PNPLA2: variants seen among roughly 807,000 people sequenced by gnomAD.
The protein encoded by PNPLA2 is patatin-like phospholipase domain-containing protein 2.
In PNPLA2, 28 loss-of-function variants were observed where a neutral mutation model predicts 39.7. The observed-to-expected ratio is 0.70, with a 90% confidence interval of 0.52 to 0.97. The LOEUF (loss-of-function observed/expected upper bound fraction) is 0.97, where lower values mean the gene tolerates loss of function less well. Ranked by LOEUF, PNPLA2 falls within the 50% of genes least tolerant of loss-of-function variation. The pLI, the probability that PNPLA2 is intolerant of heterozygous loss-of-function variation, is 0.00. For missense variants in PNPLA2, 768 were observed against 698.2 expected, an observed-to-expected ratio of 1.10 and a Z score of -1.13; for synonymous variants, 392 against 321.1, an observed-to-expected ratio of 1.22 and a Z score of -2.36.
intron 1 of PNPLA2, among the ~76,000 whole-genome samples, chr11:819,187 C>T (rs1845583684): frequency 6.6e-6 from 1 of 152,246 alleles, no homozygotes; most frequent in Non-Finnish European, 1.5e-5. Context: ...GCGCCTCTGT[C>T]CAGGGACCAG....
intron 5 of PNPLA2, 68 bp from the exon 6 acceptor site, chr11:823,459 C>G (rs1352899357): frequency 6.9e-7 from 1 of 1,446,374 alleles, no homozygotes; most frequent in East Asian, 2.5e-5. Context: ...GTTGGGGGTG[C>G]CAGGGATTCC....
At position 819,557 on chromosome 11, in the gene PNPLA2, C is replaced by T. The variant is rs1845599204; in HGVS notation, c.-145-17C>T. ...AGTCCCACACTTAAAAGCGCCGCCT[C>T]CGCGCCGCCCGCGTAGCTTCTTCGC... On this transcript the variant is annotated splice_polypyrimidine_tract_variant and intron_variant, in intron 1 of 9. Coordinates refer to ENST00000336615, the MANE Select transcript of PNPLA2 (RefSeq NM_020376.4). 1.5e-6 allele frequency: 2 copies of T among 1,291,624 alleles called. No homozygotes were observed. Among genetic ancestry groups the T allele is most frequent in the African/African-American group, 1.6e-5 (1 of 63,998 alleles). 80.0% of individuals were successfully genotyped at this position (1,291,624 alleles called of 1,614,324 possible).
At position 819,777 on chromosome 11, in the gene PNPLA2, TCTA is replaced by T; in HGVS notation, c.64_66del (p.Tyr22del). ...TTCGCGGGCTGCGGCTTCCTCGGCG[TCTA>T]CTACGTCGGCGTGGCCTCCTGCCTC... is the stretch of plus-strand genomic sequence containing the variant. On this transcript the variant is annotated inframe_deletion, in exon 2 of 10. Transcript: ENST00000336615. The T allele has an allele frequency of 6.6e-7, 1 of 1,516,878 alleles. No homozygotes were observed. 94.0% of individuals were successfully genotyped at this position (1,516,878 alleles called of 1,614,324 possible). A position where few individuals can be genotyped will look rare whatever the true frequency, so the allele number is the denominator to read the frequency against.
rs896481481 is a variant in PNPLA2 at position 824,388 on chromosome 11, A to C, written c.1127A>C (p.Tyr376Ser). ...MKEQTGSICQYLVMRAKRKLG... is the reference protein window; with the variant it reads ...MKEQTGSICQSLVMRAKRKLG... ...GAGCAGACGGGCAGCATCTGCCAGT[A>C]CCTGGTGATGCGCGCCAAGAGGAAG... The change falls in exon 9 of 10, where the codon TAC becomes TCC. Residue 376 changes from tyrosine (Y) to serine (S), a missense_variant. Transcript: ENST00000336615. 6.4e-7 allele frequency: 1 copy of C among 1,553,106 alleles called. No individual in the cohort carries two copies. Among genetic ancestry groups the C allele is most frequent in the African/African-American group, 1.4e-5 (1 of 73,242 alleles).
At chr11:819,997 G>A in intron 2 of PNPLA2, 92 bp downstream of exon 2, 1 of 995,526 alleles carries the variant, frequency 1.0e-6, no homozygotes, top group Non-Finnish European at 1.3e-6. Context: ...GCCCCGCGGC[G>A]AGTCGGTGGG....
intron 6 of PNPLA2, 49 bp from the exon 7 acceptor site, chr11:823,645 G>T: frequency 6.3e-7 from 1 of 1,599,270 alleles, no homozygotes; most frequent in Non-Finnish European, 8.5e-7. Context: ...CCCCCTGCGG[G>T]CCGCGGCCGC....
At chr11:822,743 A>G (rs1022472346) in intron 5 of PNPLA2, 137 bp downstream of exon 5, 6 of 736,186 alleles carry the variant, frequency 8.2e-6, no homozygotes, top group Admixed American at 6.0e-5. Context: ...AAAGCGCACA[A>G]CCTTTCTAGG....
At position 819,925 on chromosome 11, in the gene PNPLA2, G is replaced by A; in HGVS notation, c.187+20G>A. On this transcript the variant is annotated intron_variant, in intron 2 of 9. Coordinates refer to ENST00000336615, the MANE Select transcript of PNPLA2 (RefSeq NM_020376.4). ...GCCTGGGTGAGCGGGGCCGGGGGCGGCAGGCGGGGGGCTGGCGGGAAGGCC... is the reference window on the plus strand; with the variant it reads ...GCCTGGGTGAGCGGGGCCGGGGGCGACAGGCGGGGGGCTGGCGGGAAGGCC... 3.0e-6 allele frequency: 4 copies of A among 1,331,154 alleles called. No individual in the cohort carries two copies. The highest frequency in any genetic ancestry group is 3.8e-6 in the Non-Finnish European group (4 of 1,043,356). 82.5% of individuals were successfully genotyped at this position (1,331,154 alleles called of 1,614,324 possible).
At position 823,749 on chromosome 11, in the gene PNPLA2, C is replaced by G. The variant is rs760322669; in HGVS notation, c.813C>G (p.Gly271=). Residue 271 remains glycine (G), a synonymous_variant, in exon 7 of 10, where the codon GGC becomes GGG. Transcript: ENST00000336615. ...LLALPPARPH[G]PEDKDQAVES... is the part of the protein sequence containing the mutation. ...CGTTGCCCCCCGCCCGCCCCCACGG[C>G]CCAGAGGACAAGGACCAGGCAGTGG... 5.3e-5 allele frequency: 85 copies of G among 1,606,924 alleles called. No individual in the cohort carries two copies. Among genetic ancestry groups the G allele is most frequent in the Middle Eastern group, 1.7e-4 (1 of 6,044 alleles).
In PNPLA2 at chr11:822,471, C is replaced by T; in HGVS notation, c.561C>T (p.Phe187=). ...AGAACACCATCACAGTGTCCCCCTTCTCGGGCGAGAGTGACATCTGTCCGC... is the reference window on the plus strand; with the variant it reads ...AGAACACCATCACAGTGTCCCCCTTTTCGGGCGAGAGTGACATCTGTCCGC... ...ELKNTITVSP[F]SGESDICPQD... Residue 187 remains phenylalanine (F), a synonymous_variant, in exon 5 of 10, where the codon TTC becomes TTT. Transcript: ENST00000336615. 1 of 1,614,114 alleles carries T rather than the reference C, an allele frequency of 6.2e-7. No individual in the cohort carries two copies. The highest frequency in any genetic ancestry group is 8.5e-7 in the Non-Finnish European group (1 of 1,179,994).
rs761481331 is a variant in PNPLA2 at position 824,707 on chromosome 11, T to C, written c.1360T>C (p.Phe454Leu). ...LLGLFCTNVA[F>L]PPEALRMRAP... ...CGGCCTCTTCTGCACCAACGTGGCC[T>C]TCCCGCCCGAAGCTCTGCGCATGCG... The change falls in exon 10 of 10, where the codon TTC becomes CTC. Residue 454 changes from phenylalanine (F) to leucine (L), a missense_variant. Coordinates refer to ENST00000336615, the MANE Select transcript of PNPLA2 (RefSeq NM_020376.4). 1.3e-6 allele frequency: 2 copies of C among 1,591,760 alleles called. No individual in the cohort carries two copies. The highest frequency in any genetic ancestry group is 2.3e-5 in the East Asian group (1 of 44,388).
chr11:824,958 C>A lies in PNPLA2; in HGVS notation c.*96C>A. 9.6e-7 allele frequency: 1 copy of A among 1,044,574 alleles called. No homozygotes were observed. Among genetic ancestry groups the A allele is most frequent in the Non-Finnish European group, 1.4e-6 (1 of 705,380 alleles). The allele number at this position is 1,044,574 out of a possible 1,614,324, so 64.7% of individuals were successfully genotyped here. A position where few individuals can be genotyped will look rare whatever the true frequency, so the allele number is the denominator to read the frequency against. On this transcript the variant is annotated 3_prime_UTR_variant, in exon 10 of 10. Coordinates refer to ENST00000336615, the MANE Select transcript of PNPLA2 (RefSeq NM_020376.4). ...CACAGTTGCCAAGAGGGGTCTTTGC[C>A]GTGGGCCCCCTCGCCAGCCACTCAC...
chr11:823,971 G>T, intron 7 of PNPLA2, 27 bp from the exon 8 acceptor site: 1 of 1,577,614 alleles, frequency 6.3e-7, no homozygotes. Flanking sequence ...TGCCTCCACT[G>T]GCCGCCGACC....
rs915930200 is a variant in PNPLA2, at chr11:825,249, C to A, written c.*387C>A. ...GCCCACTTTGTGTGTATGTGACCGCCTGCTTACTTGCAGTGAGAGCCTGGT... is the reference window on the plus strand; with the variant it reads ...GCCCACTTTGTGTGTATGTGACCGCATGCTTACTTGCAGTGAGAGCCTGGT... On this transcript the variant is annotated 3_prime_UTR_variant, in exon 10 of 10. Coordinates refer to ENST00000336615, the MANE Select transcript of PNPLA2 (RefSeq NM_020376.4). 1 of 315,320 alleles carries A rather than the reference C, an allele frequency of 3.2e-6. No individual in the cohort carries two copies. Among genetic ancestry groups the A allele is most frequent in the Non-Finnish European group, 6.0e-6 (1 of 166,580 alleles). The allele number at this position is 315,320 out of a possible 1,614,324, so 19.5% of individuals were successfully genotyped here. A position where few individuals can be genotyped will look rare whatever the true frequency, so the allele number is the denominator to read the frequency against.
chr11:824,834 G>A lies in PNPLA2; in HGVS notation c.1487G>A (p.Arg496Gln), dbSNP rs1290306779. 3.3e-6 allele frequency: 5 copies of A among 1,534,562 alleles called. No homozygotes were observed. Among genetic ancestry groups the A allele is most frequent in the African/African-American group, 1.4e-5 (1 of 73,062 alleles). The change falls in exon 10 of 10, where the codon CGG becomes CAG. Residue 496 changes from arginine to glutamine, a missense_variant. Coordinates refer to ENST00000336615, the MANE Select transcript of PNPLA2 (RefSeq NM_020376.4). ...PLLSTPAPEA[R>Q]PVIGALGL Reference sequence around the variant, plus strand: ...CTGAGCACCCCTGCTCCCGAGGCCCGGCCCGTGATCGGGGCCCTGGGGCTG... The same window carrying A: ...CTGAGCACCCCTGCTCCCGAGGCCCAGCCCGTGATCGGGGCCCTGGGGCTG...
In PNPLA2 at chr11:821,809, C is replaced by G; in HGVS notation, c.369C>G (p.Asp123Glu). The change falls in exon 3 of 10, where the codon GAC becomes GAG. Residue 123 changes from aspartate to glutamate, a missense_variant. By Grantham distance (45) the Asp-to-Glu change is conservative (BLOSUM62 2). Transcript: ENST00000336615. ...RLGISLTRVS[D>E]GENVIISHFN... ...GCATCTCCCTGACCCGCGTGTCAGA[C>G]GGCGAGAATGTCATTATATCCCACT... 6.2e-7 allele frequency: 1 copy of G among 1,613,966 alleles called. No individual in the cohort carries two copies. The highest frequency in any genetic ancestry group is 1.1e-5 in the South Asian group (1 of 91,084).
rs977365325 is a variant in PNPLA2, at chr11:819,547, AGCGCCGCCTCC to A, written c.-145-18_-145-8del. 3.1e-6 allele frequency: 4 copies of A among 1,290,138 alleles called. No individual in the cohort carries two copies. Among genetic ancestry groups the A allele is most frequent in the Admixed American group, 4.3e-5 (1 of 23,354 alleles). 79.9% of individuals were successfully genotyped at this position (1,290,138 alleles called of 1,614,324 possible). Reference sequence around the variant, plus strand: ...CCCCGCCGTGAGTCCCACACTTAAAAGCGCCGCCTCCGCGCCGCCCGCGTAGCTTCTTCGCC... The same window carrying A: ...CCCCGCCGTGAGTCCCACACTTAAAAGCGCCGCCCGCGTAGCTTCTTCGCC... On this transcript the variant is annotated splice_polypyrimidine_tract_variant and intron_variant, in intron 1 of 9. Transcript: ENST00000336615.
rs1387082790 is a variant in PNPLA2 at position 824,130 on chromosome 11, G to T, written c.1052G>T (p.Arg351Leu). Reference sequence around the variant, plus strand: ...GAGAGCGCTCTGTCCTTCACCATCCGGTGTGAGGGCTGGGGGGTCGGGAGA... The same window carrying T: ...GAGAGCGCTCTGTCCTTCACCATCCTGTGTGAGGGCTGGGGGGTCGGGAGA... ...PLESALSFTI[R>L]LLEWLPDVPE... The change falls in exon 8 of 10, where the codon CGC becomes CTC. Residue 351 changes from arginine (R) to leucine (L), a missense_variant and splice_region_variant. Coordinates refer to ENST00000336615, the MANE Select transcript of PNPLA2 (RefSeq NM_020376.4). 5 of 1,594,388 alleles carry T rather than the reference G, an allele frequency of 3.1e-6. No homozygotes were observed. The highest frequency in any genetic ancestry group is 4.5e-5 in the East Asian group (2 of 44,184).
chr11:824,029 C>T lies in PNPLA2; in HGVS notation c.951C>T (p.Asp317=), dbSNP rs1424246106. The T allele has an allele frequency of 1.2e-6, 2 of 1,610,442 alleles. No individual in the cohort carries two copies. Among genetic ancestry groups the T allele is most frequent in the Non-Finnish European group, 1.7e-6 (2 of 1,179,430 alleles). The stretch of plus-strand genomic sequence containing the variant: ...TGGAGGCCTGCGTGGAGCCCACGGA[C>T]CTGCTGACCACCCTCTCCAACATGC... The part of the protein sequence containing the change: ...ALLEACVEPT[D]LLTTLSNMLP... The change falls in exon 8 of 10, where the codon GAC becomes GAT. Residue 317 remains aspartate (D), a synonymous_variant. Transcript: ENST00000336615.
Sources: allele counts gnomAD v4.1 joint callset (sites outside exome capture counted in the v4.1 genomes callset), GRCh38; gene constraint gnomAD v4.1.1; transcripts MANE v1.5; gene names NCBI Gene and HGNC (gene_info 2026-07-23, HGNC 2026-07-21).